RTN1: variants seen among roughly 807,000 people sequenced by gnomAD.
RTN1 encodes reticulon-1.
In RTN1, 25 loss-of-function variants were observed where a neutral mutation model predicts 65.5. The observed-to-expected ratio is 0.38, with a 90% CI of 0.28 to 0.53. The LOEUF is 0.53. Ranked by LOEUF, RTN1 falls within the 20% of genes least tolerant of loss-of-function variation. The probability of loss-of-function intolerance (pLI) is 0.79; values close to 1 mark genes in which losing one functional copy is unlikely to be tolerated. For synonymous variants in RTN1, 471 were observed against 447.6 expected, an observed-to-expected ratio of 1.05 and a Z score of -0.66; for missense variants, 983 against 1,025.4, an observed-to-expected ratio of 0.96 and a Z score of 0.57.
chr14:59,611,560 G>A (rs1881950198), intron 3 of RTN1, among the ~76,000 whole-genome samples: 1 of 152,064 alleles, frequency 6.6e-6, no homozygotes, highest in Admixed American at 6.5e-5. Context: ...AGCCTATGGG[G>A]GGTGTCTGTA....
At chr14:59,691,889 TTA>T (rs1377544610) in intron 3 of RTN1, among the ~76,000 whole-genome samples, 1 of 152,122 alleles carries the variant, frequency 6.6e-6, no homozygotes, top group East Asian at 1.9e-4. Context: ...CAACATTGCT[TTA>T]TGATAAAAAC....
rs1887418914 is a variant in RTN1, at chr14:59,846,788, C to T, written c.241+23602G>A. On this transcript the variant is annotated intron_variant, in intron 1 of 8. Transcript: ENST00000267484. The surrounding 1 kb of genome is among the most constrained non-coding windows in gnomAD (Gnocchi z 4.8). Reference sequence around the variant, plus strand: ...GGTTCGTAGCCAGGTGTCCGCATACCTGTTTGAGATGCACAGTCTGTCCAA... The same window carrying T: ...GGTTCGTAGCCAGGTGTCCGCATACTTGTTTGAGATGCACAGTCTGTCCAA... Among the ~76,000 whole-genome samples, 1 of 152,010 alleles carries T rather than the reference C, an allele frequency of 6.6e-6. No homozygotes were observed. Among genetic ancestry groups the T allele is most frequent in the Non-Finnish European group, 1.5e-5 (1 of 68,026 alleles).
intron 1 of RTN1, among the ~76,000 whole-genome samples, chr14:59,801,071 A>T (rs1033442446): frequency 1.3e-5 from 2 of 152,208 alleles, no homozygotes; most frequent in Non-Finnish European, 2.9e-5. Flanking sequence ...ATGGGGGAGG[A>T]AAAAACAAAA....
At chr14:59,838,758 ATAAGAGT>A (rs1887258466) in intron 1 of RTN1, among the ~76,000 whole-genome samples, 1 of 152,128 alleles carries the variant, frequency 6.6e-6, no homozygotes, top group Admixed American at 6.6e-5. Flanking sequence ...CAACACAACC[ATAAGAGT>A]TAATACTACG....
chr14:59,620,263 A>G (rs72716133), intron 3 of RTN1, among the ~76,000 whole-genome samples: 2,797 of 152,236 alleles, frequency 0.018, 69 homozygotes, highest in African/African-American at 0.054. Flanking sequence ...TAATGAGGGA[A>G]ATTAACTTGA....
intron 1 of RTN1, among the ~76,000 whole-genome samples, chr14:59,780,761 A>G (rs1359989034): frequency 6.6e-6 from 1 of 152,228 alleles, no homozygotes; most frequent in African/African-American, 2.4e-5. Context: ...TTTTGGTAGT[A>G]GTGAATCCAA....
chr14:59,675,155 G>C (rs1159038489), intron 3 of RTN1, among the ~76,000 whole-genome samples: 2 of 152,018 alleles, frequency 1.3e-5, no homozygotes, highest in African/African-American at 4.8e-5. Context: ...ACAGAGGAGT[G>C]GTGGCTAACC....
intron 2 of RTN1, among the ~76,000 whole-genome samples, chr14:59,738,176 A>G (rs1482963452): frequency 1.3e-5 from 2 of 152,226 alleles, no homozygotes; most frequent in African/African-American, 4.8e-5. Context: ...CTAATTAACT[A>G]AAAGCTTCTG....
chr14:59,731,670 A>G (rs991881186), intron 2 of RTN1, among the ~76,000 whole-genome samples: 2 of 152,126 alleles, frequency 1.3e-5, no homozygotes, highest in African/African-American at 4.8e-5. Context: ...TGCTTGCCTC[A>G]GTTCACTGGC....
chr14:59,734,519 A>C (rs938349656), intron 2 of RTN1, among the ~76,000 whole-genome samples: 5 of 152,230 alleles, frequency 3.3e-5, no homozygotes, highest in African/African-American at 1.2e-4. Context: ...CAGACAAAAT[A>C]GCCAGTTTAG....
intron 1 of RTN1, among the ~76,000 whole-genome samples, chr14:59,775,164 C>T (rs781768477): frequency 1.8e-4 from 27 of 152,190 alleles, no homozygotes; most frequent in Admixed American, 1.5e-3. Flanking sequence ...GTATCTCAGA[C>T]GTTTCTCATC....
chr14:59,661,481 A>C (rs1883246647), intron 3 of RTN1, among the ~76,000 whole-genome samples: 1 of 152,204 alleles, frequency 6.6e-6, no homozygotes, highest in Non-Finnish European at 1.5e-5. Context: ...TCCCTGATGA[A>C]CATCAATGCA....
chr14:59,753,234 T>C (rs1201570284), intron 1 of RTN1, among the ~76,000 whole-genome samples: 5 of 152,120 alleles, frequency 3.3e-5, no homozygotes, highest in Non-Finnish European at 7.4e-5. Flanking sequence ...AGAGAGGCTA[T>C]AAATAGAATC....
In RTN1 at chr14:59,847,175, C is replaced by A. The variant is rs1398566002; in HGVS notation, c.241+23215G>T. On this transcript the variant is annotated intron_variant, in intron 1 of 8. Transcript: ENST00000267484. ...ATGTAGATCATGTACATACTTCTAT[C>A]GTATTTCTTCACATAAAATATCATT... Among the ~76,000 whole-genome samples, 3 of 152,142 alleles carry A rather than the reference C, an allele frequency of 2.0e-5. No individual in the cohort carries two copies. In the East Asian group the frequency reaches 5.8e-4, roughly 29 times the overall value.
chr14:59,834,185 C>T (rs901953776), intron 1 of RTN1, among the ~76,000 whole-genome samples: 2 of 152,006 alleles, frequency 1.3e-5, no homozygotes, highest in Admixed American at 6.5e-5. Context: ...AACTTATAAC[C>T]ATATCACACA....
At chr14:59,631,165 A>C (rs1278292466) in intron 3 of RTN1, among the ~76,000 whole-genome samples, 1 of 152,222 alleles carries the variant, frequency 6.6e-6, no homozygotes, top group Non-Finnish European at 1.5e-5. Flanking sequence ...AATATTCCAC[A>C]GATATCCAAA....
At chr14:59,763,821 G>A (rs560463930) in intron 1 of RTN1, among the ~76,000 whole-genome samples, 8 of 152,202 alleles carry the variant, frequency 5.3e-5, no homozygotes, top group East Asian at 3.9e-4. Flanking sequence ...ATGAGCCACC[G>A]CGTGCAGCCA....
At chr14:59,687,397 T>C (rs543399983) in intron 3 of RTN1, among the ~76,000 whole-genome samples, 1 of 151,822 alleles carries the variant, frequency 6.6e-6, no homozygotes, top group African/African-American at 2.4e-5. Flanking sequence ...AGCCAGCCTA[T>C]CCTTCCTGTG....
At chr14:59,749,836 T>G (rs1305536002) in intron 1 of RTN1, among the ~76,000 whole-genome samples, 1 of 113,660 alleles carries the variant, frequency 8.8e-6, no homozygotes, top group African/African-American at 3.4e-5. Context: ...TATATCTATA[T>G]GTATATTTAT....
Sources: gnomAD v4.1 joint callset for allele counts (sites outside exome capture counted in the v4.1 genomes callset) on GRCh38, gnomAD v4.1.1 for gene constraint, Gnocchi (gnomAD v3.1) non-coding constraint, MANE v1.5 for transcripts, NCBI Gene and HGNC (gene_info 2026-07-23, HGNC 2026-07-21) for gene names.